The following ZNF33A variants were observed in gnomAD, a reference collection of about 807,000 sequenced individuals.
ZNF33A encodes the protein zinc finger protein 33A.
Under a neutral mutation model 15.9 loss-of-function variants are expected in ZNF33A, and 9 were observed. The observed-to-expected ratio is 0.57, with a 90% CI of 0.34 to 0.99. The LOEUF is 0.99. Among genes scored for constraint, ZNF33A ranks in the 50% least tolerant of loss-of-function variants. The pLI is 0.02. For synonymous variants in ZNF33A, 294 were observed against 324.2 expected, an observed-to-expected ratio of 0.91 and a Z score of 1.00; for missense variants, 843 against 941.6, an observed-to-expected ratio of 0.90 and a Z score of 1.37.
chr10:38,063,002 C>CAAAAA (rs373779802), downstream of ZNF33A, among the ~76,000 whole-genome samples: 59 of 44,202 alleles, frequency 1.3e-3, no homozygotes, highest in East Asian at 2.8e-3. Flanking sequence ...GACTCCATCT[C>CAAAAA]AAAAAAAAAA....
At chr10:38,051,163 A>G (rs1190435580) in intron 4 of ZNF33A, among the ~76,000 whole-genome samples, 2 of 152,214 alleles carry the variant, frequency 1.3e-5, no homozygotes, top group Non-Finnish European at 2.9e-5. Flanking sequence ...GGTTTCTTGT[A>G]CAAGATGTAG....
rs773345010 is a variant in ZNF33A at position 38,017,340 on chromosome 10, A to G, written c.204A>G (p.Glu68=). ...TGATCTTCAGGCTGCAACAAGGAGA[A>G]GAGCCATGGAAACAGGAGGAAGAAT... ...PEVIFRLQQG[E]EPWKQEEEFP... Residue 68 remains glutamate (E), a synonymous_variant, in exon 4 of 5, where the codon GAA becomes GAG. Coordinates refer to ENST00000432900, the MANE Select transcript of ZNF33A (RefSeq NM_006954.2). The G allele has an allele frequency of 1.9e-6, 3 of 1,614,116 alleles. No homozygotes were observed. The highest frequency in any genetic ancestry group is 2.2e-5 in the East Asian group (1 of 44,872).
At chr10:38,044,529 T>G (rs1242023896) in intron 4 of ZNF33A, among the ~76,000 whole-genome samples, 1 of 152,042 alleles carries the variant, frequency 6.6e-6, no homozygotes, top group African/African-American at 2.4e-5. Context: ...GTTGAGTCAT[T>G]CTAGTGAGTT....
chr10:38,061,907 A>G (rs774902421), downstream of ZNF33A, among the ~76,000 whole-genome samples: 2 of 152,194 alleles, frequency 1.3e-5, no homozygotes, highest in Non-Finnish European at 2.9e-5. Flanking sequence ...CAGTGAGCCA[A>G]GTTGGTGCCA....
intron 4 of ZNF33A, among the ~76,000 whole-genome samples, chr10:38,044,979 A>G (rs1590650802): frequency 1.3e-5 from 2 of 152,280 alleles, no homozygotes; most frequent in Middle Eastern, 3.4e-3. Context: ...GAACATATTT[A>G]TAATAGCTGC....
chr10:38,054,864 G>A lies in ZNF33A; in HGVS notation c.740G>A (p.Cys247Tyr), dbSNP rs1367460667. ...QKRENAEENN[C>Y]DYNEFGRTLC... ...AGAGAGAACGCAGAAGAGAATAACT[G>A]TGATTATAATGAATTTGGGAGAACT... is the stretch of plus-strand genomic sequence containing the variant. Residue 247 changes from cysteine to tyrosine, a missense_variant, in exon 5 of 5, where the codon TGT becomes TAT. Coordinates refer to ENST00000432900, the MANE Select transcript of ZNF33A (RefSeq NM_006954.2). 2 of 1,613,602 alleles carry A rather than the reference G, an allele frequency of 1.2e-6. No individual in the cohort carries two copies. The highest frequency in any genetic ancestry group is 1.7e-6 in the Non-Finnish European group (2 of 1,179,986).
downstream of ZNF33A, among the ~76,000 whole-genome samples, chr10:38,067,188 T>C (rs562164161): frequency 2.0e-5 from 3 of 152,330 alleles, no homozygotes; most frequent in East Asian, 3.9e-4. Flanking sequence ...CCCCCATCAA[T>C]GAATACACCA....
At chr10:38,012,170 G>A in intron 1 of ZNF33A, 128 bp from the exon 2 acceptor site, 1 of 799,252 alleles carries the variant, frequency 1.3e-6, no homozygotes, top group South Asian at 1.9e-5. Context: ...AGTGTCAGAG[G>A]ACATTGATAC....
downstream of ZNF33A, among the ~76,000 whole-genome samples, chr10:38,063,530 T>TTGC (rs2066680346): frequency 6.6e-6 from 1 of 152,082 alleles, no homozygotes; most frequent in Admixed American, 6.6e-5. Flanking sequence ...TTTCATGGAG[T>TTGC]TGTTTTGCAT....
At chr10:38,021,843 G>A (rs1453935725) in intron 4 of ZNF33A, among the ~76,000 whole-genome samples, 2 of 152,088 alleles carry the variant, frequency 1.3e-5, no homozygotes, top group Non-Finnish European at 2.9e-5. Flanking sequence ...GTGACAATAG[G>A]AAAATATCTA....
Position 38,010,755 on chromosome 10 carries a change from T to C in ZNF33A, c.-73T>C. 2.5e-6 allele frequency: 4 copies of C among 1,598,368 alleles called. No homozygotes were observed. Among genetic ancestry groups the C allele is most frequent in the Middle Eastern group, 1.7e-4 (1 of 6,060 alleles). ...TTTCAAGGGTCTACGCGCTTTTCTA[T>C]GGCGAATGCAACCCGACGAGGGAGT... On this transcript the variant is annotated 5_prime_UTR_variant, in exon 1 of 5. The change abolishes an upstream ATG in the 5' untranslated region. Transcript: ENST00000432900.
chr10:38,066,791 C>G (rs990096931), downstream of ZNF33A, among the ~76,000 whole-genome samples: 8 of 151,888 alleles, frequency 5.3e-5, no homozygotes, highest in Non-Finnish European at 7.4e-5. Flanking sequence ...AAAAATTAGC[C>G]AGGTGTGGCA....
intron 4 of ZNF33A, among the ~76,000 whole-genome samples, chr10:38,046,404 G>C (rs564469597): frequency 1.3e-5 from 2 of 152,326 alleles, no homozygotes; most frequent in Admixed American, 6.5e-5. Context: ...ATTGGGTAGA[G>C]TGTTCAGAAA....
intron 4 of ZNF33A, among the ~76,000 whole-genome samples, chr10:38,053,454 G>A (rs1257332520): frequency 1.3e-5 from 2 of 152,074 alleles, no homozygotes; most frequent in Non-Finnish European, 2.9e-5. Context: ...TTGTATTTGT[G>A]TCTTACCCTT....
intron 4 of ZNF33A, among the ~76,000 whole-genome samples, chr10:38,029,650 T>A (rs2065130167): frequency 1.3e-5 from 2 of 152,090 alleles, no homozygotes; most frequent in South Asian, 2.1e-4. Context: ...GGACCTGTTG[T>A]CCACTCAAGA....
In ZNF33A at chr10:38,056,637, AG is replaced by A. The variant is rs2066499857; in HGVS notation, c.*78del. The A allele has an allele frequency of 2.7e-6, 4 of 1,478,540 alleles. No individual in the cohort carries two copies. In the Admixed American group the frequency reaches 7.4e-5, roughly 27 times the overall value. The allele number at this position is 1,478,540 out of a possible 1,614,324, so 91.6% of individuals were successfully genotyped here. A position where few individuals can be genotyped will look rare whatever the true frequency, so the allele number is the denominator to read the frequency against. ...CCATAGACTACAACAATTATAGGAC[AG>A]CTTTTGTTAGGAAGTGATATTCTAT... On this transcript the variant is annotated 3_prime_UTR_variant, in exon 5 of 5. Coordinates refer to ENST00000432900, the MANE Select transcript of ZNF33A (RefSeq NM_006954.2).
downstream of ZNF33A, among the ~76,000 whole-genome samples, chr10:38,062,253 C>G (rs2066663473): frequency 6.6e-6 from 1 of 152,138 alleles, no homozygotes; most frequent in Non-Finnish European, 1.5e-5. Context: ...TCTTGGACTT[C>G]CCTGCCTCCA....
At chr10:38,063,498 A>G, downstream of ZNF33A, among the ~76,000 whole-genome samples, 1 of 151,180 alleles carries the variant, frequency 6.6e-6, no homozygotes, top group East Asian at 1.9e-4. Context: ...TCAGAAGATG[A>G]ACATCCTGCT....
intron 1 of ZNF33A, among the ~76,000 whole-genome samples, chr10:38,011,113 T>C (rs1166356153): frequency 6.6e-6 from 1 of 152,170 alleles, no homozygotes; most frequent in Non-Finnish European, 1.5e-5. Flanking sequence ...GGCGCCGCGG[T>C]ACGTGGGCGG....
Sources: gnomAD v4.1 joint callset for allele counts (sites outside exome capture counted in the v4.1 genomes callset) on GRCh38, gnomAD v4.1.1 for gene constraint, MANE v1.5 for transcripts, NCBI Gene and HGNC (gene_info 2026-07-23, HGNC 2026-07-21) for gene names.